USP17L7: variants seen among roughly 807,000 people sequenced by gnomAD.
USP17L7 encodes ubiquitin specific peptidase 17 like family member 7.
In USP17L7, 53 loss-of-function variants were observed where a neutral mutation model predicts 37.6. The observed-to-expected ratio is 1.41, with a 90% confidence interval of 1.13 to 1.77. The LOEUF is 1.77. Among genes scored for constraint, USP17L7 ranks in the 40% most tolerant of loss-of-function variants. USP17L7 has a pLI of 0.00. For missense variants in USP17L7, 914 were observed against 645.0 expected (o/e 1.42, Z -4.52); for synonymous variants, 330 against 251.0 (o/e 1.31, Z -2.98).
In USP17L7 at chr8:12,133,691, A is replaced by G. The variant is rs759350105; in HGVS notation, c.319T>C (p.Tyr107His). The change falls in exon 1 of 1, where the codon TAC becomes CAC. Residue 107 changes from tyrosine to histidine, a missense_variant. Transcript: ENST00000530447. The stretch of plus-strand genomic sequence containing the variant: ...TGAGAGTCCTCCCGGGACAGCATGT[A>G]GTTGGAAAGCGGCAGTGTGTATGTC... Reference protein sequence around the residue: ...CLTYTLPLSNYMLSREDSQTC... With the variant: ...CLTYTLPLSNHMLSREDSQTC... 3 of 1,269,212 alleles carry G rather than the reference A, an allele frequency of 2.4e-6. No individual in the cohort carries two copies. Among genetic ancestry groups the G allele is most frequent in the Non-Finnish European group, 3.4e-6 (3 of 891,228 alleles). The allele number at this position is 1,269,212 out of a possible 1,614,324, so 78.6% of individuals were successfully genotyped here.
rs766331193 is a variant in USP17L7, at chr8:12,132,900, G to C, written c.1110C>G (p.Leu370=). Reference sequence around the variant, plus strand: ...CCCATTCACTCTTCTGGATGTAAAAGAGGACATAGGCCTGTTGACTCAGGA... The same window carrying C: ...CCCATTCACTCTTCTGGATGTAAAACAGGACATAGGCCTGTTGACTCAGGA... ...TSVLSQQAYV[L]FYIQKSEWER... is the part of the protein sequence containing the mutation. Residue 370 remains leucine (L), a synonymous_variant, in exon 1 of 1, where the codon CTC becomes CTG. Coordinates refer to ENST00000530447, the MANE Select transcript of USP17L7 (RefSeq NM_001256869.2). 1 of 1,496,866 alleles carries C rather than the reference G, an allele frequency of 6.7e-7. No homozygotes were observed. The highest frequency in any genetic ancestry group is 2.6e-5 in the East Asian group (1 of 38,378). The allele number at this position is 1,496,866 out of a possible 1,614,324, so 92.7% of individuals were successfully genotyped here. A position where few individuals can be genotyped will look rare whatever the true frequency, so the allele number is the denominator to read the frequency against.
rs73663089 is a variant in USP17L7, at chr8:12,133,382, A to G, written c.628T>C (p.Cys210Arg). The change falls in exon 1 of 1, where the codon TGC becomes CGC. Residue 210 changes from cysteine to arginine, a missense_variant. By Grantham distance (180) the Cys-to-Arg change is radical (BLOSUM62 -3). Transcript: ENST00000530447. ...TCAAAGGTGTCTGAAACGCCGTGGC[A>G]GTGGAGATACTTGATTTGAGATCTC... is the stretch of plus-strand genomic sequence containing the variant. The part of the protein sequence containing the change: ...YWRSQIKYLH[C>R]HGVSDTFDPY... 55,639 of 1,449,248 alleles carry G rather than the reference A, an allele frequency of 0.038. 5,270 individuals carry two copies. Among genetic ancestry groups the G allele is most frequent in the African/African-American group, 0.26 (17,715 of 67,144 alleles). 89.8% of individuals were successfully genotyped at this position (1,449,248 alleles called of 1,614,324 possible).
At position 12,132,478 on chromosome 8, in the gene USP17L7, C is replaced by T. The variant is rs774632310; in HGVS notation, c.1532G>A (p.Ser511Asn). ...NTGTLASLQG[S>N]TRRSKGNNKH... Reference sequence around the variant, plus strand: ...GTTATTCCCTTTGGATCTCCTGGTGCTCCCTTGCAGAGAAGCGAGTGTGCC... The same window carrying T: ...GTTATTCCCTTTGGATCTCCTGGTGTTCCCTTGCAGAGAAGCGAGTGTGCC... The change falls in exon 1 of 1, where the codon AGC becomes AAC. Residue 511 changes from serine (S) to asparagine (N), a missense_variant. Physicochemically the swap from Ser to Asn is conservative, Grantham distance 46 (BLOSUM62 1). Coordinates refer to ENST00000530447, the MANE Select transcript of USP17L7 (RefSeq NM_001256869.2). The T allele has an allele frequency of 7.6e-6, 11 of 1,455,498 alleles. No homozygotes were observed. The highest frequency in any genetic ancestry group is 9.4e-6 in the Non-Finnish European group (10 of 1,061,620). 90.2% of individuals were successfully genotyped at this position (1,455,498 alleles called of 1,614,324 possible). A position where few individuals can be genotyped will look rare whatever the true frequency, so the allele number is the denominator to read the frequency against.
rs1411882504 is a variant in USP17L7 at position 12,133,908 on chromosome 8, C to G, written c.102G>C (p.Arg34=). 1 of 1,472,298 alleles carries G rather than the reference C, an allele frequency of 6.8e-7. No homozygotes were observed. Among genetic ancestry groups the G allele is most frequent in the Non-Finnish European group, 9.3e-7 (1 of 1,076,742 alleles). 91.2% of individuals were successfully genotyped at this position (1,472,298 alleles called of 1,614,324 possible). Residue 34 remains arginine (R), a synonymous_variant, in exon 1 of 1, where the codon CGG becomes CGC. Coordinates refer to ENST00000530447, the MANE Select transcript of USP17L7 (RefSeq NM_001256869.2). ...RLDAAFAEIQ[R]TSLSEKSPLS... The stretch of plus-strand genomic sequence containing the variant: ...GTGGTGACTTTTCAGAGAGAGAAGT[C>G]CGCTGGATTTCAGCAAAAGCTGCAT...
chr8:12,133,397 T>A lies in USP17L7; in HGVS notation c.613A>T (p.Ile205Phe). The change falls in exon 1 of 1, where the codon ATC (isoleucine) becomes TTC (phenylalanine). Residue 205 changes from isoleucine (I) to phenylalanine (F), a missense_variant. Physicochemically the swap from Ile to Phe is conservative, Grantham distance 21. Coordinates refer to ENST00000530447, the MANE Select transcript of USP17L7 (RefSeq NM_001256869.2). The stretch of plus-strand genomic sequence containing the variant: ...ACGCCGTGGCAGTGGAGATACTTGA[T>A]TTGAGATCTCCAATACGCTCCAAAT... ...QIFGAYWRSQ[I>F]KYLHCHGVSD... The A allele has an allele frequency of 6.9e-7, 1 of 1,457,990 alleles. No homozygotes were observed. The highest frequency in any genetic ancestry group is 9.3e-7 in the Non-Finnish European group (1 of 1,069,940). 90.3% of individuals were successfully genotyped at this position (1,457,990 alleles called of 1,614,324 possible).
chr8:12,133,335 C>A lies in USP17L7; in HGVS notation c.675G>T (p.Leu225=). ...TGACACTCTGAGCTGCCTGGATATC[C>A]AGGGCGATGTCCAGGTAAGGGTCAA... ...DTFDPYLDIA[L]DIQAAQSVKQ... is the part of the protein sequence containing the mutation. The change falls in exon 1 of 1, where the codon CTG becomes CTT. Residue 225 remains leucine (L), a synonymous_variant. Transcript: ENST00000530447. 6.7e-7 allele frequency: 1 copy of A among 1,500,760 alleles called. No homozygotes were observed. The highest frequency in any genetic ancestry group is 9.0e-7 in the Non-Finnish European group (1 of 1,107,402). The allele number at this position is 1,500,760 out of a possible 1,614,324, so 93.0% of individuals were successfully genotyped here.
Position 12,133,594 on chromosome 8 carries a change from G to C in USP17L7, c.416C>G (p.Pro139Arg), listed in dbSNP as rs776965213. ...QAHITWALHS[P>R]GHVIQPSQVL... ...CTGTGAGGGCTGGATGACATGGCCA[G>C]GACTGTGGAGGGCCCATGTGATGTG... is the stretch of plus-strand genomic sequence containing the variant. The change falls in exon 1 of 1, where the codon CCT becomes CGT. Residue 139 changes from proline (P) to arginine (R), a missense_variant. Coordinates refer to ENST00000530447, the MANE Select transcript of USP17L7 (RefSeq NM_001256869.2). 7.7e-7 allele frequency: 1 copy of C among 1,297,702 alleles called. No individual in the cohort carries two copies. Among genetic ancestry groups the C allele is most frequent in the Non-Finnish European group, 1.1e-6 (1 of 918,214 alleles). 80.4% of individuals were successfully genotyped at this position (1,297,702 alleles called of 1,614,324 possible).
rs760803537 is a variant in USP17L7, at chr8:12,133,868, G to C, written c.142C>G (p.Arg48Gly). Residue 48 changes from arginine (R) to glycine (G), a missense_variant, in exon 1 of 1, where the codon CGT becomes GGT. Arg to Gly is a moderately radical substitution (Grantham distance 125, BLOSUM62 -2). Transcript: ENST00000530447. ...GCCAAATCATCACAGAGGTCGAAAC[G>C]GGTCTCAGATGAGAGTGGTGACTTT... is the stretch of plus-strand genomic sequence containing the variant. ...SEKSPLSSET[R>G]FDLCDDLAPV... 5.3e-6 allele frequency: 8 copies of C among 1,521,162 alleles called. No individual in the cohort carries two copies. The Admixed American group carries it at 1.2e-4, about 23-fold the overall frequency. 94.2% of individuals were successfully genotyped at this position (1,521,162 alleles called of 1,614,324 possible).
rs190855865 is a variant in USP17L7 at position 12,133,265 on chromosome 8, C to G, written c.745G>C (p.Glu249Gln). 49 of 1,516,560 alleles carry G rather than the reference C, an allele frequency of 3.2e-5. 5 individuals carry two copies. The highest frequency in any genetic ancestry group is 4.1e-5 in the Non-Finnish European group (46 of 1,119,138). The allele number at this position is 1,516,560 out of a possible 1,614,324, so 93.9% of individuals were successfully genotyped here. A position where few individuals can be genotyped will look rare whatever the true frequency, so the allele number is the denominator to read the frequency against. ...QLVKPKELNGENAYHCGLCLQ... is the reference protein window; with the variant it reads ...QLVKPKELNGQNAYHCGLCLQ... The stretch of plus-strand genomic sequence containing the variant: ...CAAAGACCACAATGATAGGCATTCT[C>G]TCCATTGAGTTCTTTGGGCTTCACC... The change falls in exon 1 of 1, where the codon GAG becomes CAG. Residue 249 changes from glutamate (E) to glutamine (Q), a missense_variant. Physicochemically the swap from Glu to Gln is conservative, Grantham distance 29. Transcript: ENST00000530447.
In USP17L7 at chr8:12,133,824, A is replaced by C; in HGVS notation, c.186T>G (p.Leu62=). 4 of 1,530,192 alleles carry C rather than the reference A, an allele frequency of 2.6e-6. 1 individual carries two copies. The East Asian group carries it at 1.0e-4, about 40-fold the overall frequency. 94.8% of individuals were successfully genotyped at this position (1,530,192 alleles called of 1,614,324 possible). ...TCAGAGGAAGCTTCTCCCTGGGAGCAAGCTGTCTTGCCACAGGAGCCAAAT... is the reference window on the plus strand; with the variant it reads ...TCAGAGGAAGCTTCTCCCTGGGAGCCAGCTGTCTTGCCACAGGAGCCAAAT... The part of the protein sequence containing the change: ...CDDLAPVARQ[L]APREKLPLSS... The change falls in exon 1 of 1, where the codon CTT becomes CTG. Residue 62 remains leucine (L), a synonymous_variant. Coordinates refer to ENST00000530447, the MANE Select transcript of USP17L7 (RefSeq NM_001256869.2).
rs1227166063 is a variant in USP17L7, at chr8:12,133,009, T to A, written c.1001A>T (p.His334Leu). 7 of 1,527,250 alleles carry A rather than the reference T, an allele frequency of 4.6e-6. No homozygotes were observed. Among genetic ancestry groups the A allele is most frequent in the Non-Finnish European group, 6.2e-6 (7 of 1,123,884 alleles). The allele number at this position is 1,527,250 out of a possible 1,614,324, so 94.6% of individuals were successfully genotyped here. Residue 334 changes from histidine to leucine, a missense_variant, in exon 1 of 1, where the codon CAT becomes CTT. Coordinates refer to ENST00000530447, the MANE Select transcript of USP17L7 (RefSeq NM_001256869.2). ...TTGAGCTTTGACATAAGAGAAGTAA[T>A]GTCCGTTGTGACAACTCCACCCAGC... ...VHAGWSCHNG[H>L]YFSYVKAQEG...
rs1315426588 is a variant in USP17L7 at position 12,133,011 on chromosome 8, T to A, written c.999A>T (p.Gly333=). 1 of 1,527,106 alleles carries A rather than the reference T, an allele frequency of 6.5e-7. No individual in the cohort carries two copies. Among genetic ancestry groups the A allele is most frequent in the Non-Finnish European group, 8.9e-7 (1 of 1,123,910 alleles). The allele number at this position is 1,527,106 out of a possible 1,614,324, so 94.6% of individuals were successfully genotyped here. Residue 333 remains glycine, a synonymous_variant, in exon 1 of 1, where the codon GGA becomes GGT. Transcript: ENST00000530447. Reference sequence around the variant, plus strand: ...GAGCTTTGACATAAGAGAAGTAATGTCCGTTGTGACAACTCCACCCAGCGT... The same window carrying A: ...GAGCTTTGACATAAGAGAAGTAATGACCGTTGTGACAACTCCACCCAGCGT... ...LVHAGWSCHN[G]HYFSYVKAQE...
Position 12,133,563 on chromosome 8 carries a change from C to G in USP17L7, c.447G>C (p.Leu149Phe). The change falls in exon 1 of 1, where the codon TTG becomes TTC. Residue 149 changes from leucine (L) to phenylalanine (F), a missense_variant. Coordinates refer to ENST00000530447, the MANE Select transcript of USP17L7 (RefSeq NM_001256869.2). ...PGHVIQPSQVLAAGFHRGEQE... is the reference protein window; with the variant it reads ...PGHVIQPSQVFAAGFHRGEQE... Reference sequence around the variant, plus strand: ...GCTCACCTCTATGGAAGCCAGCAGCCAATACCTGTGAGGGCTGGATGACAT... The same window carrying G: ...GCTCACCTCTATGGAAGCCAGCAGCGAATACCTGTGAGGGCTGGATGACAT... 7.1e-7 allele frequency: 1 copy of G among 1,398,776 alleles called. No individual in the cohort carries two copies. The highest frequency in any genetic ancestry group is 9.9e-7 in the Non-Finnish European group (1 of 1,010,300). 86.6% of individuals were successfully genotyped at this position (1,398,776 alleles called of 1,614,324 possible).
rs1332733993 is a variant in USP17L7 at position 12,134,020 on chromosome 8, A to G, written c.-11T>C. On this transcript the variant is annotated 5_prime_UTR_variant, in exon 1 of 1. Transcript: ENST00000530447. ...TGAGTCGTCTTCCATGTCGCCCGCA[A>G]CAAGGATCACAAGGTTTTTCTGCTG... The G allele has an allele frequency of 1.1e-6, 1 of 952,274 alleles. No individual in the cohort carries two copies. Among genetic ancestry groups the G allele is most frequent in the South Asian group, 1.4e-5 (1 of 69,722 alleles). 59.0% of individuals were successfully genotyped at this position (952,274 alleles called of 1,614,324 possible).
chr8:12,134,001 G>T lies in USP17L7; in HGVS notation c.9C>A (p.Asp3Glu), dbSNP rs115444041. Residue 3 changes from aspartate to glutamate, a missense_variant, in exon 1 of 1, where the codon GAC becomes GAA. Coordinates refer to ENST00000530447, the MANE Select transcript of USP17L7 (RefSeq NM_001256869.2). ME[D>E]DSLYLGGDWQ... is the part of the protein sequence containing the mutation. ...AGTCACCTCCCAAATAGAGTGAGTC[G>T]TCTTCCATGTCGCCCGCAACAAGGA... 4.3e-3 allele frequency: 4,485 copies of T among 1,036,040 alleles called. 195 individuals carry two copies. In the African/African-American group the frequency reaches 0.063, roughly 14 times the overall value. 64.2% of individuals were successfully genotyped at this position (1,036,040 alleles called of 1,614,324 possible).
At position 12,133,016 on chromosome 8, in the gene USP17L7, T is replaced by G. The variant is rs3989706; in HGVS notation, c.994A>C (p.Asn332His). 15 of 1,526,696 alleles carry G rather than the reference T, an allele frequency of 9.8e-6. 1 individual carries two copies. Among genetic ancestry groups the G allele is most frequent in the Non-Finnish European group, 1.1e-5 (12 of 1,123,608 alleles). The allele number at this position is 1,526,696 out of a possible 1,614,324, so 94.6% of individuals were successfully genotyped here. The change falls in exon 1 of 1, where the codon AAC becomes CAC. Residue 332 changes from asparagine to histidine, a missense_variant. Coordinates refer to ENST00000530447, the MANE Select transcript of USP17L7 (RefSeq NM_001256869.2). Reference sequence around the variant, plus strand: ...TTGACATAAGAGAAGTAATGTCCGTTGTGACAACTCCACCCAGCGTGGACC... The same window carrying G: ...TTGACATAAGAGAAGTAATGTCCGTGGTGACAACTCCACCCAGCGTGGACC... ...VLVHAGWSCHNGHYFSYVKAQ... is the reference protein window; with the variant it reads ...VLVHAGWSCHHGHYFSYVKAQ...
Position 12,132,904 on chromosome 8 carries a change from A to G in USP17L7, c.1106T>C (p.Val369Ala). The G allele has an allele frequency of 6.7e-7, 1 of 1,499,084 alleles. No homozygotes were observed. The highest frequency in any genetic ancestry group is 1.2e-5 in the South Asian group (1 of 80,046). 92.9% of individuals were successfully genotyped at this position (1,499,084 alleles called of 1,614,324 possible). Residue 369 changes from valine to alanine, a missense_variant, in exon 1 of 1, where the codon GTC (valine) becomes GCC (alanine). Physicochemically the swap from Val to Ala is moderately conservative, Grantham distance 64. Transcript: ENST00000530447. ...TTCACTCTTCTGGATGTAAAAGAGGACATAGGCCTGTTGACTCAGGACAGA... is the reference window on the plus strand; with the variant it reads ...TTCACTCTTCTGGATGTAAAAGAGGGCATAGGCCTGTTGACTCAGGACAGA... ...ITSVLSQQAYVLFYIQKSEWE... is the reference protein window; with the variant it reads ...ITSVLSQQAYALFYIQKSEWE...
rs1803000397 is a variant in USP17L7 at position 12,133,116 on chromosome 8, A to T, written c.894T>A (p.Pro298=). Residue 298 remains proline, a synonymous_variant, in exon 1 of 1, where the codon CCT becomes CCA. Coordinates refer to ENST00000530447, the MANE Select transcript of USP17L7 (RefSeq NM_001256869.2). ...GNKLAKNVQY[P]KCRDMQPYMS... is the part of the protein sequence containing the mutation. ...TGTATGGCTGCATGTCACGGCACTTAGGATATTGCACATTCTTGGCAAGTT... is the reference window on the plus strand; with the variant it reads ...TGTATGGCTGCATGTCACGGCACTTTGGATATTGCACATTCTTGGCAAGTT... 1 of 1,487,842 alleles carries T rather than the reference A, an allele frequency of 6.7e-7. No individual in the cohort carries two copies. The highest frequency in any genetic ancestry group is 9.2e-7 in the Non-Finnish European group (1 of 1,090,458). The allele number at this position is 1,487,842 out of a possible 1,614,324, so 92.2% of individuals were successfully genotyped here. A position where few individuals can be genotyped will look rare whatever the true frequency, so the allele number is the denominator to read the frequency against.
Position 12,132,839 on chromosome 8 carries a change from G to A in USP17L7, c.1171C>T (p.Pro391Ser), listed in dbSNP as rs773280303. Residue 391 changes from proline (P) to serine (S), a missense_variant, in exon 1 of 1, where the codon CCA (proline) becomes TCA (serine). Pro to Ser is a moderately conservative substitution (Grantham distance 74, BLOSUM62 -1). Transcript: ENST00000530447. ...HSESVSRGRE[P>S]RALGAEDTDR... is the part of the protein sequence containing the mutation. ...GTGTCTTCAGCACCAAGGGCTCTTG[G>A]TTCCCTGCCTCTTGACACACTCTCA... The A allele has an allele frequency of 1.9e-5, 29 of 1,514,208 alleles. 3 individuals carry two copies. The highest frequency in any genetic ancestry group is 2.4e-5 in the Non-Finnish European group (27 of 1,111,702). 93.8% of individuals were successfully genotyped at this position (1,514,208 alleles called of 1,614,324 possible). A position where few individuals can be genotyped will look rare whatever the true frequency, so the allele number is the denominator to read the frequency against.
Sources: gnomAD v4.1 joint callset for allele counts on GRCh38, gnomAD v4.1.1 for gene constraint, MANE v1.5 for transcripts, NCBI Gene and HGNC (gene_info 2026-07-23, HGNC 2026-07-21) for gene names.